The following TBC1D5 variants were observed in gnomAD, a reference collection of about 807,000 sequenced individuals.
TBC1D5 encodes TBC1 domain family, member 5.
TBC1D5 carries 75 observed loss-of-function variants against 100.3 expected under a neutral mutation model. The observed-to-expected ratio is 0.75, with a 90% confidence interval of 0.62 to 0.91. The LOEUF is 0.91. Among genes scored for constraint, TBC1D5 ranks in the 40% least tolerant of loss-of-function variants. The pLI, the probability that TBC1D5 is intolerant of heterozygous loss-of-function variation, is 0.00. For synonymous variants in TBC1D5, 323 were observed against 325.6 expected, an observed-to-expected ratio of 0.99 and a Z score of 0.09; for missense variants, 910 against 942.4, an observed-to-expected ratio of 0.97 and a Z score of 0.45.
At chr3:17,737,082 C>T (rs1459375299) in intron 1 of TBC1D5, among the ~76,000 whole-genome samples, 1 of 152,098 alleles carries the variant, frequency 6.6e-6, no homozygotes, top group East Asian at 1.9e-4. Context: ...TCATTCTGAT[C>T]CCCACTTATC....
At chr3:17,489,064 A>C (rs1315444383) in intron 3 of TBC1D5, among the ~76,000 whole-genome samples, 1 of 151,748 alleles carries the variant, frequency 6.6e-6, no homozygotes, top group Non-Finnish European at 1.5e-5. Flanking sequence ...CTGGTGCCAA[A>C]AACGCTGGGG....
chr3:17,665,875 C>T (rs953109251), intron 1 of TBC1D5, among the ~76,000 whole-genome samples: 8 of 152,118 alleles, frequency 5.3e-5, no homozygotes, highest in Admixed American at 6.6e-5. Context: ...AAAGCTTGGA[C>T]ACATTTTATT....
At chr3:17,409,643 T>G (rs2093868744) in intron 4 of TBC1D5, among the ~76,000 whole-genome samples, 1 of 151,886 alleles carries the variant, frequency 6.6e-6, no homozygotes, top group Non-Finnish European at 1.5e-5. Context: ...AACTCATGAA[T>G]GATGAGAAAG....
chr3:17,378,580 C>T (rs372616913), intron 9 of TBC1D5, among the ~76,000 whole-genome samples: 1 of 151,806 alleles, frequency 6.6e-6, no homozygotes, highest in African/African-American at 2.4e-5. Context: ...AAGGTATTAA[C>T]CCTTTGTAAT....
intron 1 of TBC1D5, among the ~76,000 whole-genome samples, chr3:17,627,855 C>T (rs2063184645): frequency 6.6e-6 from 1 of 151,968 alleles, no homozygotes; most frequent in Non-Finnish European, 1.5e-5. Context: ...AATGCCCATA[C>T]AAGATTAAAA....
chr3:17,533,889 C>CAGATAGAT (rs575715302), intron 2 of TBC1D5, among the ~76,000 whole-genome samples: 33 of 151,824 alleles, frequency 2.2e-4, no homozygotes, highest in African/African-American at 8.0e-4. Flanking sequence ...ACCTATCATT[C>CAGATAGAT]AGATAGATAG....
rs143180896 is a variant in TBC1D5, at chr3:17,617,252, G to A, written c.-36+6597C>T. Among the ~76,000 whole-genome samples the A allele has an allele frequency of 2.9e-3, 444 of 152,284 alleles. 2 individuals are homozygous for A. The highest frequency in any genetic ancestry group is 9.2e-3 in the African/African-American group (384 of 41,546). On this transcript the variant is annotated intron_variant, in intron 2 of 21. Transcript: ENST00000253692. ...TTATAGGGTTTCTGCCGAGAGATCC[G>A]CTGTTAGTCTGATGGGCTCCCCTTT...
chr3:17,190,609 G>A (rs955241197), intron 18 of TBC1D5, among the ~76,000 whole-genome samples: 1 of 152,008 alleles, frequency 6.6e-6, no homozygotes, highest in Admixed American at 6.6e-5. Context: ...TTATGTTTTC[G>A]GGGTTGGGGT....
chr3:17,319,992 G>T (rs1439151732), intron 13 of TBC1D5, among the ~76,000 whole-genome samples: 4 of 152,196 alleles, frequency 2.6e-5, no homozygotes, highest in African/African-American at 7.2e-5. Context: ...TCTTTATTAT[G>T]GTTGTGTAGT....
At chr3:17,541,778 A>G (rs182274966) in intron 2 of TBC1D5, among the ~76,000 whole-genome samples, 43 of 152,294 alleles carry the variant, frequency 2.8e-4, no homozygotes, top group South Asian at 6.2e-4. Context: ...TTAAAGAAAA[A>G]GTTTTCAGTC....
At chr3:17,551,205 C>T (rs1185344558) in intron 2 of TBC1D5, among the ~76,000 whole-genome samples, 1 of 152,076 alleles carries the variant, frequency 6.6e-6, no homozygotes, top group African/African-American at 2.4e-5. Flanking sequence ...ATCGGTCATA[C>T]AGCAATACAA....
At chr3:17,544,606 G>A (rs922464697) in intron 2 of TBC1D5, among the ~76,000 whole-genome samples, 5 of 146,060 alleles carry the variant, frequency 3.4e-5, no homozygotes, top group South Asian at 4.3e-4. Context: ...AGCCGAGATC[G>A]CGCCACTGCA....
chr3:17,643,102 T>A (rs1205793081), intron 1 of TBC1D5, among the ~76,000 whole-genome samples: 1 of 152,110 alleles, frequency 6.6e-6, no homozygotes, highest in Non-Finnish European at 1.5e-5. Flanking sequence ...AGTTGTCATG[T>A]GTCCTTAGCC....
intron 15 of TBC1D5, among the ~76,000 whole-genome samples, chr3:17,273,793 G>A (rs2079676304): frequency 1.5e-5 from 2 of 131,438 alleles, no homozygotes; most frequent in African/African-American, 3.1e-5. Flanking sequence ...GATGACAAGA[G>A]CAAAACTCTG....
chr3:17,612,095 T>A (rs555259738), intron 2 of TBC1D5, among the ~76,000 whole-genome samples: 1 of 151,282 alleles, frequency 6.6e-6, no homozygotes, highest in African/African-American at 2.4e-5. Flanking sequence ...AGCCCAGGAG[T>A]AGGAGACCAG....
chr3:17,291,084 G>A (rs759157595), intron 15 of TBC1D5, among the ~76,000 whole-genome samples: 3 of 152,318 alleles, frequency 2.0e-5, no homozygotes, highest in African/African-American at 7.2e-5. Context: ...GAGACAGTTC[G>A]ACAACTGCCA....
intron 4 of TBC1D5, among the ~76,000 whole-genome samples, chr3:17,427,381 AT>A (rs940432437): frequency 6.6e-6 from 1 of 151,974 alleles, no homozygotes; most frequent in Non-Finnish European, 1.5e-5. Context: ...CATTTACTAC[AT>A]TTTTGTCAAG....
In TBC1D5 at chr3:17,612,584, C is replaced by T. The variant is rs551103206; in HGVS notation, c.-36+11265G>A. On this transcript the variant is annotated intron_variant, in intron 2 of 21. Transcript: ENST00000253692. ...GGCAGAGGTAGCAGTGAGCCGAGAT[C>T]GCACCACTTCACTCAAGCCTGGGTG... 2.6e-4 allele frequency among the ~76,000 whole-genome samples: 40 copies of T among 151,436 alleles called. 1 individual carries two copies. The highest frequency in any genetic ancestry group is 2.0e-3 in the Admixed American group (30 of 15,206).
At chr3:17,581,965 C>A (rs1220700794) in intron 2 of TBC1D5, among the ~76,000 whole-genome samples, 1 of 152,168 alleles carries the variant, frequency 6.6e-6, no homozygotes, top group African/African-American at 2.4e-5. Context: ...ACTCTCTCAC[C>A]TCCTTCAGGT....
Sources: allele counts gnomAD v4.1 joint callset (sites outside exome capture counted in the v4.1 genomes callset), GRCh38; gene constraint gnomAD v4.1.1; transcripts MANE v1.5; gene names NCBI Gene and HGNC (gene_info 2026-07-23, HGNC 2026-07-21).